AUTS2: variants seen among roughly 807,000 people sequenced by gnomAD.
AUTS2 encodes the protein activator of transcription and developmental regulator AUTS2.
Under a neutral mutation model 112.4 loss-of-function variants are expected in AUTS2, and 17 were observed. The ratio of observed to expected loss-of-function variants is 0.15; its 90% CI spans 0.10 to 0.23. The LOEUF (loss-of-function observed/expected upper bound fraction) is 0.23, where lower values mean the gene tolerates loss of function less well. Among genes scored for constraint, AUTS2 ranks in the 10% least tolerant of loss-of-function variants. The probability of loss-of-function intolerance (pLI) is 1.00; values close to 1 mark genes in which losing one functional copy is unlikely to be tolerated. For synonymous variants in AUTS2, 751 were observed against 702.7 expected, an observed-to-expected ratio of 1.07 and a Z score of -1.09; for missense variants, 1,510 against 1,701.6, an observed-to-expected ratio of 0.89 and a Z score of 1.98.
intron 1 of AUTS2, among the ~76,000 whole-genome samples, chr7:69,861,248 A>G (rs1013278897): frequency 1.8e-4 from 28 of 152,200 alleles, no homozygotes; most frequent in African/African-American, 6.3e-4. Flanking sequence ...CAATGCTTGA[A>G]GGACCCATAA....
intron 3 of AUTS2, 150 bp from the exon 4 acceptor site, chr7:70,134,386 G>T (rs144635400): frequency 1.2e-5 from 8 of 659,294 alleles, no homozygotes; most frequent in Non-Finnish European, 2.2e-5. Context: ...CACGGTGTTT[G>T]TATCAGTAGC....
chr7:70,521,371 C>T (rs1247592388), intron 5 of AUTS2, among the ~76,000 whole-genome samples: 1 of 152,190 alleles, frequency 6.6e-6, no homozygotes, highest in Non-Finnish European at 1.5e-5. Context: ...CTTTCTGGCA[C>T]TATGACAGTC....
intron 4 of AUTS2, among the ~76,000 whole-genome samples, chr7:70,208,011 CAAAAAAAAAAAAA>C (rs61267230): frequency 1.0e-4 from 5 of 48,054 alleles, no homozygotes; most frequent in Non-Finnish European, 2.0e-4. Context: ...AACTCCATCT[CAAAAAAAAAAAAA>C]AAAAAAAAAA....
Position 70,621,634 on chromosome 7 carries a change from G to C in AUTS2, c.691-76935G>C, listed in dbSNP as rs558195197. Among the ~76,000 whole-genome samples, 3 of 152,200 alleles carry C rather than the reference G, an allele frequency of 2.0e-5. No homozygotes were observed. The South Asian group carries it at 6.2e-4, about 32-fold the overall frequency. On this transcript the variant is annotated intron_variant, in intron 5 of 18. Coordinates refer to ENST00000342771, the MANE Select transcript of AUTS2 (RefSeq NM_015570.4). ...GAACCACTCCTCATGCAGGATATTA[G>C]ATTGAGAAACAGAAACCTACAAAAA...
intron 1 of AUTS2, among the ~76,000 whole-genome samples, chr7:69,722,687 G>A (rs1799027072): frequency 6.6e-6 from 1 of 152,034 alleles, no homozygotes; most frequent in Non-Finnish European, 1.5e-5. Flanking sequence ...ATTTAACTGT[G>A]TTTCATTTGT....
intron 4 of AUTS2, among the ~76,000 whole-genome samples, chr7:70,405,775 G>A (rs1450641268): frequency 1.3e-5 from 2 of 152,126 alleles, no homozygotes; most frequent in Non-Finnish European, 2.9e-5. Flanking sequence ...AATCCTCTCC[G>A]TGCCACATAC....
chr7:70,013,362 C>T lies in AUTS2; in HGVS notation c.523-104770C>T, dbSNP rs368119016. ...AGCCAGCAGAGATGAGAAGGATCTC[C>T]AGCCTGGGAGCTGGAGGTGGGAATT... On this transcript the variant is annotated intron_variant, in intron 2 of 18. Coordinates refer to ENST00000342771, the MANE Select transcript of AUTS2 (RefSeq NM_015570.4). 2.6e-5 allele frequency among the ~76,000 whole-genome samples: 4 copies of T among 152,198 alleles called. No individual in the cohort carries two copies. The East Asian group carries it at 5.8e-4, about 22-fold the overall frequency.
chr7:69,644,721 T>C (rs1404020295), intron 1 of AUTS2, among the ~76,000 whole-genome samples: 1 of 152,158 alleles, frequency 6.6e-6, no homozygotes, highest in Non-Finnish European at 1.5e-5. Context: ...CTCAAGACAA[T>C]ATGACTTAAC....
At chr7:69,684,237 A>C (rs549939325) in intron 1 of AUTS2, among the ~76,000 whole-genome samples, 2 of 152,164 alleles carry the variant, frequency 1.3e-5, no homozygotes, top group African/African-American at 4.8e-5. Context: ...TGTTTTGATA[A>C]TCCACATGTG....
intron 1 of AUTS2, among the ~76,000 whole-genome samples, chr7:69,751,298 T>G (rs1787727116): frequency 6.6e-6 from 1 of 152,196 alleles, no homozygotes; most frequent in Non-Finnish European, 1.5e-5. Context: ...TCATTCTGGG[T>G]CTGGCAGATT....
At chr7:70,330,790 A>T (rs1361405227) in intron 4 of AUTS2, among the ~76,000 whole-genome samples, 2 of 152,172 alleles carry the variant, frequency 1.3e-5, no homozygotes, top group Non-Finnish European at 2.9e-5. Context: ...AAGTCTTTTA[A>T]AATTTCTTTT....
intron 12 of AUTS2, 42 bp from the exon 13 acceptor site, chr7:70,775,315 G>C: frequency 1.9e-6 from 3 of 1,579,652 alleles, no homozygotes; most frequent in Non-Finnish European, 2.6e-6. Context: ...GCAATTGTTT[G>C]AGTGACAGGC....
chr7:70,646,098 T>C (rs1806144930), intron 5 of AUTS2, among the ~76,000 whole-genome samples: 1 of 152,182 alleles, frequency 6.6e-6, no homozygotes, highest in Non-Finnish European at 1.5e-5. Context: ...TGTTGGGTGA[T>C]TGAATTTTGA....
chr7:70,352,655 A>C (rs2129623725), intron 4 of AUTS2, among the ~76,000 whole-genome samples: 1 of 152,210 alleles, frequency 6.6e-6, no homozygotes, highest in Non-Finnish European at 1.5e-5. Flanking sequence ...AACAGACGTT[A>C]TCTTCTGTGC....
intron 4 of AUTS2, among the ~76,000 whole-genome samples, chr7:70,286,406 A>G (rs1788460182): frequency 6.6e-6 from 1 of 152,254 alleles, no homozygotes; most frequent in African/African-American, 2.4e-5. Flanking sequence ...CATACTCTCT[A>G]CACTTTTAAA....
At chr7:69,801,781 A>G (rs950760815) in intron 1 of AUTS2, among the ~76,000 whole-genome samples, 4 of 152,188 alleles carry the variant, frequency 2.6e-5, no homozygotes, top group African/African-American at 9.7e-5. Context: ...CTCTGACTCA[A>G]TGGAACATGC....
chr7:70,004,288 A>G (rs13223136), intron 2 of AUTS2, among the ~76,000 whole-genome samples: 35,605 of 127,344 alleles, frequency 0.28, 5,268 homozygotes, highest in Middle Eastern at 0.32. Context: ...TGTGTTATAT[A>G]TGAATATATT....
At chr7:69,931,578 A>G (rs1796230040) in intron 2 of AUTS2, among the ~76,000 whole-genome samples, 1 of 152,158 alleles carries the variant, frequency 6.6e-6, no homozygotes, top group East Asian at 1.9e-4. Context: ...TGCAAGACTT[A>G]TTGGATCTCC....
intron 4 of AUTS2, among the ~76,000 whole-genome samples, chr7:70,280,680 T>C (rs1022914967): frequency 4.3e-4 from 66 of 152,184 alleles, no homozygotes; most frequent in African/African-American, 1.4e-3. Context: ...TCTGAACAGT[T>C]CATTGATTGT....
Sources: gnomAD v4.1 joint callset for allele counts (sites outside exome capture counted in the v4.1 genomes callset) on GRCh38, gnomAD v4.1.1 for gene constraint, MANE v1.5 for transcripts, NCBI Gene and HGNC (gene_info 2026-07-23, HGNC 2026-07-21) for gene names.